The following PIPOX variants were observed in gnomAD, a reference collection of about 807,000 sequenced individuals.
The protein encoded by PIPOX is peroxisomal sarcosine oxidase.
In PIPOX, 45 loss-of-function variants were observed where a neutral mutation model predicts 47.9. That is an observed-to-expected ratio of 0.94 (90% CI 0.74 to 1.20). The LOEUF is 1.20. Among genes scored for constraint, PIPOX ranks in the 50% most tolerant of loss-of-function variants. The probability of loss-of-function intolerance (pLI) is 0.00; values close to 1 mark genes in which losing one functional copy is unlikely to be tolerated. For missense variants in PIPOX, 458 were observed against 498.4 expected (o/e 0.92, Z 0.77); for synonymous variants, 165 against 191.3 (o/e 0.86, Z 1.13).
intron 3 of PIPOX, 51 bp from the exon 4 acceptor site, chr17:29,053,362 G>T (rs781057959): frequency 6.4e-7 from 1 of 1,559,370 alleles, no homozygotes. Flanking sequence ...TGTCCACCAG[G>T]GTGAACCACA....
At chr17:29,047,071 G>T (rs2065788213) in intron 2 of PIPOX, among the ~76,000 whole-genome samples, 1 of 152,150 alleles carries the variant, frequency 6.6e-6, no homozygotes, top group South Asian at 2.1e-4. Context: ...TGGATCACCT[G>T]AAGTCAGGAG....
chr17:29,054,958 C>T lies in PIPOX; in HGVS notation c.808-105C>T, dbSNP rs2065821390. On this transcript the variant is annotated intron_variant, in intron 5 of 7. Coordinates refer to ENST00000323372, the MANE Select transcript of PIPOX (RefSeq NM_016518.3). ...CAGCACCTGCCAGGAGTGGGGAAGGCTGGAATGATGGATGGGGCTGTCCTG... is the reference window on the plus strand; with the variant it reads ...CAGCACCTGCCAGGAGTGGGGAAGGTTGGAATGATGGATGGGGCTGTCCTG... The T allele has an allele frequency of 4.8e-6, 7 of 1,465,826 alleles. No homozygotes were observed. The Admixed American group carries it at 1.2e-4, about 26-fold the overall frequency. 90.8% of individuals were successfully genotyped at this position (1,465,826 alleles called of 1,614,324 possible).
intron 2 of PIPOX, among the ~76,000 whole-genome samples, chr17:29,045,521 C>A (rs983129555): frequency 7.2e-6 from 1 of 139,036 alleles, no homozygotes; most frequent in Non-Finnish European, 1.5e-5. Flanking sequence ...AGTGATTCTT[C>A]TGCTTCAGCC....
intron 2 of PIPOX, among the ~76,000 whole-genome samples, chr17:29,047,597 C>T (rs2065790397): frequency 6.6e-6 from 1 of 152,160 alleles, no homozygotes; most frequent in African/African-American, 2.4e-5. Context: ...ATAAATGAGC[C>T]TGGATGTATT....
rs115222145 is a variant in PIPOX at position 29,044,585 on chromosome 17, T to C, written c.115-274T>C. 4.8e-3 allele frequency among the ~76,000 whole-genome samples: 730 copies of C among 152,306 alleles called. 2 individuals carry two copies. The highest frequency in any genetic ancestry group is 0.016 in the African/African-American group (683 of 41,576). On this transcript the variant is annotated intron_variant, in intron 1 of 7. Coordinates refer to ENST00000323372, the MANE Select transcript of PIPOX (RefSeq NM_016518.3). ...AACTCCTGGGCTCAAACAGTCCTCC[T>C]ACCTCAGCCTTCCAAGTAGCTGGGA...
At chr17:29,053,263 G>A in intron 3 of PIPOX, 130 bp downstream of exon 3, 2 of 1,203,210 alleles carry the variant, frequency 1.7e-6, no homozygotes, top group Non-Finnish European at 2.4e-6. Flanking sequence ...GACTTTTCCA[G>A]CAGGGCAGTG....
intron 2 of PIPOX, among the ~76,000 whole-genome samples, chr17:29,045,760 A>AC (rs780190880): frequency 1.3e-5 from 2 of 151,654 alleles, no homozygotes; most frequent in Non-Finnish European, 2.9e-5. Flanking sequence ...AGGGGTCCTC[A>AC]CCCCCTTTAG....
chr17:29,044,901 C>T lies in PIPOX; in HGVS notation c.157C>T (p.Arg53Trp), dbSNP rs543013733. Residue 53 changes from arginine (R) to tryptophan (W), a missense_variant, in exon 2 of 8, where the codon CGG becomes TGG. Coordinates refer to ENST00000323372, the MANE Select transcript of PIPOX (RefSeq NM_016518.3). The part of the protein sequence containing the change: ...HSRGSSHGQS[R>W]IIRKAYLEDF... Reference sequence around the variant, plus strand: ...CCGAGGAAGCTCCCATGGACAAAGCCGGATAATCCGAAAGGCGTACCTGGA... The same window carrying T: ...CCGAGGAAGCTCCCATGGACAAAGCTGGATAATCCGAAAGGCGTACCTGGA... The T allele has an allele frequency of 3.9e-5, 63 of 1,614,008 alleles. No homozygotes were observed. In the South Asian group the frequency reaches 5.3e-4, roughly 14 times the overall value.
intron 2 of PIPOX, among the ~76,000 whole-genome samples, chr17:29,050,994 C>T (rs545919629): frequency 5.3e-5 from 8 of 151,384 alleles, no homozygotes; most frequent in East Asian, 2.0e-4. Context: ...TGGTGGTGAG[C>T]GCCTGTAATC....
chr17:29,044,557 T>G (rs113521435), intron 1 of PIPOX, among the ~76,000 whole-genome samples: 5 of 152,266 alleles, frequency 3.3e-5, no homozygotes, highest in African/African-American at 1.2e-4. Context: ...CACTACAGCC[T>G]CAAACTCCTG....
Position 29,055,058 on chromosome 17 carries a change from G to A in PIPOX, c.808-5G>A. On this transcript the variant is annotated splice_region_variant and splice_polypyrimidine_tract_variant and intron_variant, in intron 5 of 7. Transcript: ENST00000323372. ...ACCACTCATGCCACTCTGATTGGGA[G>A]CCAGGTCAGCTATCACCACGGCAAC... 1 of 1,614,098 alleles carries A rather than the reference G, an allele frequency of 6.2e-7. No homozygotes were observed. The highest frequency in any genetic ancestry group is 8.5e-7 in the Non-Finnish European group (1 of 1,179,994).
intron 2 of PIPOX, among the ~76,000 whole-genome samples, chr17:29,051,111 ACT>A (rs1273591509): frequency 6.6e-6 from 1 of 151,430 alleles, no homozygotes; most frequent in African/African-American, 2.4e-5. Context: ...ACAGAGCAAG[ACT>A]CTGTCTTGGG....
chr17:29,052,774 G>A, intron 2 of PIPOX, 146 bp from the exon 3 acceptor site: 1 of 683,590 alleles, frequency 1.5e-6, no homozygotes, highest in Non-Finnish European at 2.6e-6. Flanking sequence ...TCATGATATT[G>A]CCCAGGCTGC....
intron 2 of PIPOX, among the ~76,000 whole-genome samples, chr17:29,045,532 TC>T (rs1204042013): frequency 6.9e-6 from 1 of 144,816 alleles, no homozygotes; most frequent in Non-Finnish European, 1.5e-5. Flanking sequence ...TGCTTCAGCC[TC>T]CCGGGCAGCT....
At chr17:29,046,639 A>T in intron 2 of PIPOX, 1 of 985,400 alleles carries the variant, frequency 1.0e-6, no homozygotes, top group Non-Finnish European at 1.2e-6. Context: ...GCAGGAGGAG[A>T]CAGATGGGTG....
At chr17:29,054,980 C>T in intron 5 of PIPOX, 83 bp from the exon 6 acceptor site, 2 of 1,550,266 alleles carry the variant, frequency 1.3e-6, no homozygotes, top group Non-Finnish European at 1.8e-6. Context: ...ATGGGGCTGT[C>T]CTGTGTACAC....
intron 3 of PIPOX, 66 bp from the exon 4 acceptor site, chr17:29,053,347 C>A: frequency 6.6e-7 from 1 of 1,512,598 alleles, no homozygotes; most frequent in Non-Finnish European, 9.0e-7. Context: ...AGGCAAAAGG[C>A]TTTCTGTCCA....
At position 29,056,433 on chromosome 17, in the gene PIPOX, A is replaced by G; in HGVS notation, c.*128A>G. 3 of 1,046,926 alleles carry G rather than the reference A, an allele frequency of 2.9e-6. No homozygotes were observed. The highest frequency in any genetic ancestry group is 4.2e-6 in the Non-Finnish European group (3 of 721,394). The allele number at this position is 1,046,926 out of a possible 1,614,324, so 64.9% of individuals were successfully genotyped here. The stretch of plus-strand genomic sequence containing the variant: ...TGCCTCGCCTGAATCCCCCATAAAC[A>G]CCAGATGATTGAGTCTACCTTCTTT... On this transcript the variant is annotated 3_prime_UTR_variant, in exon 8 of 8. Coordinates refer to ENST00000323372, the MANE Select transcript of PIPOX (RefSeq NM_016518.3).
rs2065814214 is a variant in PIPOX at position 29,053,322 on chromosome 17, ACT to A, written c.478-88_478-87del. On this transcript the variant is annotated intron_variant, in intron 3 of 7. Coordinates refer to ENST00000323372, the MANE Select transcript of PIPOX (RefSeq NM_016518.3). ...AATACAGGACAGGTCTAGATTCTGC[ACT>A]CTTTTCTGCCCCAGGCAAAAGGCTT... is the stretch of plus-strand genomic sequence containing the variant. 2.9e-6 allele frequency: 4 copies of A among 1,361,186 alleles called. No individual in the cohort carries two copies. The East Asian group carries it at 9.2e-5, about 31-fold the overall frequency. The allele number at this position is 1,361,186 out of a possible 1,614,324, so 84.3% of individuals were successfully genotyped here.
Sources: allele counts gnomAD v4.1 joint callset (sites outside exome capture counted in the v4.1 genomes callset), GRCh38; gene constraint gnomAD v4.1.1; transcripts MANE v1.5; gene names NCBI Gene and HGNC (gene_info 2026-07-23, HGNC 2026-07-21).